Variants in TUSC3 observed in about 807,000 individuals in gnomAD.
TUSC3 encodes tumor suppressor candidate 3.
TUSC3 carries 45 observed loss-of-function variants against 44.8 expected under a neutral mutation model. The observed-to-expected ratio is 1.00, with a 90% CI of 0.79 to 1.29. TUSC3 has a LOEUF of 1.29. Among genes scored for constraint, TUSC3 ranks in the 50% most tolerant of loss-of-function variants. The pLI, the probability that TUSC3 is intolerant of heterozygous loss-of-function variation, is 0.00. For synonymous variants in TUSC3, 212 were observed against 152.9 expected (o/e 1.39, Z -2.85); for missense variants, 519 against 437.9 (o/e 1.19, Z -1.65).
intron 2 of TUSC3, among the ~76,000 whole-genome samples, chr8:15,483,648 G>GTTTTTTTTTTTTTTTT (rs1398002093): frequency 6.9e-5 from 3 of 43,446 alleles, no homozygotes; most frequent in East Asian, 8.2e-4. Flanking sequence ...CTAGCACTGT[G>GTTTTTTTTTTTTTTTT]ATTTTTTTTT....
chr8:15,417,196 C>T (rs552514458), upstream of TUSC3: 1 of 152,366 alleles, frequency 6.6e-6, no homozygotes, highest in African/African-American at 2.4e-5. Flanking sequence ...TCACTATCTT[C>T]CTCCTGCTCT....
intron 1 of TUSC3, among the ~76,000 whole-genome samples, chr8:15,540,939 CTTA>C (rs1307696387): frequency 6.6e-6 from 1 of 152,170 alleles, no homozygotes; most frequent in Non-Finnish European, 1.5e-5. Flanking sequence ...ATATGTTTTC[CTTA>C]TTTTCTTACT....
At chr8:15,641,473 G>A (rs1407307534) in intron 2 of TUSC3, among the ~76,000 whole-genome samples, 2 of 152,170 alleles carry the variant, frequency 1.3e-5, no homozygotes, top group African/African-American at 4.8e-5. Context: ...TTTGGGTCTG[G>A]TGCAGAGAGT....
chr8:15,744,930 T>C (rs1811341910), intron 8 of TUSC3, among the ~76,000 whole-genome samples: 1 of 151,916 alleles, frequency 6.6e-6, no homozygotes, highest in Non-Finnish European at 1.5e-5. Flanking sequence ...ACAGGTGATT[T>C]TTCAACCTAC....
intron 1 of TUSC3, among the ~76,000 whole-genome samples, chr8:15,612,153 A>T (rs13249988): frequency 0.3 from 46,072 of 151,962 alleles, 7,734 homozygotes; most frequent in East Asian, 0.42. Context: ...AGCAAGTTTT[A>T]TTATGGCTAT....
intron 2 of TUSC3, among the ~76,000 whole-genome samples, chr8:15,629,553 G>GTTTTT (rs71211066): frequency 3.9e-5 from 5 of 129,046 alleles, no homozygotes; most frequent in Admixed American, 2.4e-4. Flanking sequence ...CGGCCATCTT[G>GTTTTT]TTTTTTTTTT....
chr8:15,724,726 T>C (rs985981703), intron 6 of TUSC3, among the ~76,000 whole-genome samples: 1 of 152,184 alleles, frequency 6.6e-6, no homozygotes, highest in African/African-American at 2.4e-5. Flanking sequence ...TGAAACAGGC[T>C]GAAAGGATTT....
At chr8:15,511,029 G>A (rs1368993257) in intron 2 of TUSC3, among the ~76,000 whole-genome samples, 6 of 152,038 alleles carry the variant, frequency 3.9e-5, no homozygotes, top group South Asian at 2.1e-4. Context: ...GATCCACTGC[G>A]GATAAAACAT....
intron 1 of TUSC3, among the ~76,000 whole-genome samples, chr8:15,587,965 T>C (rs1316383767): frequency 1.3e-5 from 2 of 152,158 alleles, no homozygotes; most frequent in Admixed American, 1.3e-4. Flanking sequence ...CGTTTATCTG[T>C]TGGTAGACAT....
At chr8:15,526,795 C>G (rs1177473464) in intron 2 of TUSC3, among the ~76,000 whole-genome samples, 2 of 152,060 alleles carry the variant, frequency 1.3e-5, no homozygotes, top group Non-Finnish European at 2.9e-5. Flanking sequence ...AGGACCGGTA[C>G]TAAAGTTGCT....
intron 2 of TUSC3, among the ~76,000 whole-genome samples, chr8:15,487,028 G>A (rs1314013155): frequency 7.2e-5 from 11 of 152,112 alleles, no homozygotes; most frequent in Admixed American, 6.5e-4. Context: ...AAAAGCTTCA[G>A]TTTTTATACC....
At chr8:15,454,254 A>G (rs1337507787) in intron 1 of TUSC3, among the ~76,000 whole-genome samples, 1 of 152,114 alleles carries the variant, frequency 6.6e-6, no homozygotes, top group Non-Finnish European at 1.5e-5. Flanking sequence ...TTCCAAGTGT[A>G]CTTTACTCCA....
At chr8:15,779,570 CTT>C in the TUSC3 span, among the ~76,000 whole-genome samples, 7 of 152,120 alleles carry the variant, frequency 4.6e-5, no homozygotes, top group Non-Finnish European at 7.3e-5. Flanking sequence ...ACTTTAAAAA[CTT>C]CAGTAATTAC....
At chr8:15,683,568 G>A (rs990671015) in intron 6 of TUSC3, among the ~76,000 whole-genome samples, 13 of 152,142 alleles carry the variant, frequency 8.5e-5, no homozygotes, top group African/African-American at 2.2e-4. Context: ...CCTTGGATTG[G>A]AGTTCAGCTT....
intron 6 of TUSC3, among the ~76,000 whole-genome samples, chr8:15,681,417 A>G (rs1292591687): frequency 6.6e-6 from 1 of 152,040 alleles, no homozygotes; most frequent in Non-Finnish European, 1.5e-5. Flanking sequence ...GTATGTTTCC[A>G]GGAATTCATC....
At chr8:15,441,608 A>G (rs533017925) in intron 1 of TUSC3, among the ~76,000 whole-genome samples, 24 of 152,316 alleles carry the variant, frequency 1.6e-4, no homozygotes, top group African/African-American at 5.5e-4. Context: ...CAAAAGGACA[A>G]CTGTTCTCTT....
In TUSC3 at chr8:15,543,738, TGG is replaced by T. The variant is rs1491325212; in HGVS notation, c.138+3171_138+3172del. On this transcript the variant is annotated intron_variant, in intron 1 of 10. Transcript: ENST00000503731. ...GAAATGCGGTAAGATTTTTTTGAAT[TGG>T]TTTTTTTTTTTTGCTAAAGAAACTA... Among the ~76,000 whole-genome samples, 4 of 151,144 alleles carry T rather than the reference TGG, an allele frequency of 2.6e-5. No individual in the cohort carries two copies. In the East Asian group the frequency reaches 7.8e-4, roughly 29 times the overall value.
chr8:15,495,707 C>G (rs1165589075), intron 2 of TUSC3, among the ~76,000 whole-genome samples: 2 of 152,128 alleles, frequency 1.3e-5, no homozygotes, highest in Non-Finnish European at 2.9e-5. Context: ...GGTTACTCTT[C>G]CAGGGAAAAT....
At chr8:15,490,500 G>C (rs980239417) in intron 2 of TUSC3, among the ~76,000 whole-genome samples, 3 of 152,148 alleles carry the variant, frequency 2.0e-5, no homozygotes, top group Admixed American at 2.0e-4. Flanking sequence ...GCCTGCTGAC[G>C]TTGAGGTTTG....
Sources: gnomAD v4.1 joint callset for allele counts (sites outside exome capture counted in the v4.1 genomes callset) on GRCh38, gnomAD v4.1.1 for gene constraint, MANE v1.5 for transcripts, NCBI Gene and HGNC (gene_info 2026-07-23, HGNC 2026-07-21) for gene names.